CABLES1: variants seen among roughly 807,000 people sequenced by gnomAD.
CABLES1 encodes the protein CDK5 and ABL1 enzyme substrate 1.
CABLES1 carries 36 observed loss-of-function variants against 57.8 expected under a neutral mutation model. The ratio of observed to expected loss-of-function variants is 0.62; its 90% CI spans 0.48 to 0.82. The LOEUF (loss-of-function observed/expected upper bound fraction) is 0.82. CABLES1 is among the 40% of genes least tolerant of loss of function. CABLES1 has a pLI of 0.00. For synonymous variants in CABLES1, 374 were observed against 363.0 expected, an observed-to-expected ratio of 1.03 and a Z score of -0.35; for missense variants, 767 against 836.6, an observed-to-expected ratio of 0.92 and a Z score of 1.03.
intron 9 of CABLES1, among the ~76,000 whole-genome samples, chr18:23,254,819 G>A (rs1339456096): frequency 2.6e-5 from 4 of 152,084 alleles, no homozygotes; most frequent in Non-Finnish European, 5.9e-5. Flanking sequence ...ACTCCCAAAG[G>A]CCCCATCTCC....
At chr18:23,205,270 T>C (rs2047355218) in intron 3 of CABLES1, among the ~76,000 whole-genome samples, 2 of 141,794 alleles carry the variant, frequency 1.4e-5, no homozygotes, top group Admixed American at 1.5e-4. Flanking sequence ...TCACTGCAAC[T>C]GCAGCCTCCA....
chr18:23,248,125 C>T (rs754929798), intron 7 of CABLES1, among the ~76,000 whole-genome samples: 26 of 152,352 alleles, frequency 1.7e-4, no homozygotes, highest in Admixed American at 5.2e-4. Flanking sequence ...CCTCCAGAGC[C>T]GCAGGCTGAG....
intron 7 of CABLES1, among the ~76,000 whole-genome samples, chr18:23,249,397 A>G (rs2047982985): frequency 6.6e-6 from 1 of 152,166 alleles, no homozygotes; most frequent in Non-Finnish European, 1.5e-5. Flanking sequence ...TGGCCAAACC[A>G]GGAGTGGGCA....
chr18:23,209,827 G>A (rs1269161020), intron 3 of CABLES1, among the ~76,000 whole-genome samples: 1 of 111,722 alleles, frequency 9.0e-6, no homozygotes, highest in Non-Finnish European at 2.0e-5. Flanking sequence ...CTGGGCTGAG[G>A]GGGTAAAAAC....
At chr18:23,208,474 A>C (rs891827672) in intron 3 of CABLES1, among the ~76,000 whole-genome samples, 3 of 152,218 alleles carry the variant, frequency 2.0e-5, no homozygotes, top group African/African-American at 7.2e-5. Context: ...TTAATAAAGC[A>C]TTGTGAGAGG....
upstream of CABLES1, among the ~76,000 whole-genome samples, chr18:23,134,925 G>A (rs949904125): frequency 6.6e-6 from 1 of 152,158 alleles, no homozygotes; most frequent in Non-Finnish European, 1.5e-5. Flanking sequence ...ATGGTTGTTA[G>A]CGATAGCTTT....
Position 23,257,344 on chromosome 18 carries a change from A to G in CABLES1, c.1879A>G (p.Arg627Gly). 1.2e-6 allele frequency: 2 copies of G among 1,610,834 alleles called. No homozygotes were observed. The highest frequency in any genetic ancestry group is 1.7e-6 in the Non-Finnish European group (2 of 1,179,202). Reference sequence around the variant, plus strand: ...CGAGCACGAAGTCATGCCCCACTACAGACGGCTGGTCCAGAGTTCCTAGCA... The same window carrying G: ...CGAGCACGAAGTCATGCCCCACTACGGACGGCTGGTCCAGAGTTCCTAGCA... ...LPEHEVMPHY[R>G]RLVQSS The change falls in exon 10 of 10, where the codon AGA becomes GGA. Residue 627 changes from arginine (R) to glycine (G), a missense_variant. Transcript: ENST00000256925.
At chr18:23,256,641 C>T (rs2048174343) in intron 9 of CABLES1, among the ~76,000 whole-genome samples, 2 of 151,932 alleles carry the variant, frequency 1.3e-5, no homozygotes, top group Non-Finnish European at 2.9e-5. Flanking sequence ...CCGCCACGCC[C>T]GGCTCATTTT....
intron 4 of CABLES1, among the ~76,000 whole-genome samples, chr18:23,232,144 AC>A (rs1356112347): frequency 6.6e-6 from 1 of 152,166 alleles, no homozygotes; most frequent in East Asian, 1.9e-4. Flanking sequence ...CCATCTGAGA[AC>A]CCTCTCAGTA....
At chr18:23,196,275 G>A (rs1389943637) in intron 3 of CABLES1, among the ~76,000 whole-genome samples, 3 of 152,172 alleles carry the variant, frequency 2.0e-5, no homozygotes, top group Admixed American at 6.5e-5. Flanking sequence ...TTTAGGGCAG[G>A]AAAGAAAGCT....
At chr18:23,152,772 A>C (rs1008835336) in intron 1 of CABLES1, among the ~76,000 whole-genome samples, 2 of 151,840 alleles carry the variant, frequency 1.3e-5, no homozygotes, top group African/African-American at 4.8e-5. Flanking sequence ...GGCTCGAGCC[A>C]CCATGCCAGG....
At chr18:23,255,859 C>A (rs1212247195) in intron 9 of CABLES1, among the ~76,000 whole-genome samples, 1 of 152,040 alleles carries the variant, frequency 6.6e-6, no homozygotes, top group Non-Finnish European at 1.5e-5. Flanking sequence ...CCATACCCGG[C>A]CAAGAATTAA....
chr18:23,162,744 G>A (rs1303577377), intron 1 of CABLES1, among the ~76,000 whole-genome samples: 1 of 152,202 alleles, frequency 6.6e-6, no homozygotes, highest in Non-Finnish European at 1.5e-5. Flanking sequence ...GTAGGAAGGA[G>A]TTCCAGGTAG....
intron 4 of CABLES1, among the ~76,000 whole-genome samples, chr18:23,226,148 A>G (rs2145070612): frequency 6.6e-6 from 1 of 152,362 alleles, no homozygotes; most frequent in East Asian, 1.9e-4. Context: ...TCATGCCTGT[A>G]ATCCCAGTAC....
At chr18:23,184,352 T>G (rs1490786033) in intron 1 of CABLES1, among the ~76,000 whole-genome samples, 1 of 151,744 alleles carries the variant, frequency 6.6e-6, no homozygotes, top group Non-Finnish European at 1.5e-5. Flanking sequence ...TAGGTCCGTC[T>G]GAGTTCAGAC....
intron 7 of CABLES1, among the ~76,000 whole-genome samples, chr18:23,245,059 G>T (rs552604216): frequency 6.6e-6 from 1 of 152,312 alleles, no homozygotes; most frequent in Non-Finnish European, 1.5e-5. Context: ...TTTTTGAGGT[G>T]TGTGTACCTC....
At chr18:23,221,646 G>GC (rs1224048945) in intron 4 of CABLES1, among the ~76,000 whole-genome samples, 1 of 152,192 alleles carries the variant, frequency 6.6e-6, no homozygotes, top group Non-Finnish European at 1.5e-5. Context: ...GCCATCTGGG[G>GC]CCCCCACCTT....
intron 7 of CABLES1, among the ~76,000 whole-genome samples, chr18:23,240,176 G>T (rs758956433): frequency 6.6e-6 from 1 of 152,164 alleles, no homozygotes; most frequent in Non-Finnish European, 1.5e-5. Context: ...GTGGGCCCCA[G>T]GGGGTAGGCC....
intron 9 of CABLES1, among the ~76,000 whole-genome samples, chr18:23,255,494 C>G (rs2048140752): frequency 6.6e-6 from 1 of 151,854 alleles, no homozygotes; most frequent in South Asian, 2.1e-4. Flanking sequence ...CCAGAAGTGA[C>G]CATTGGACAC....
Sources: allele counts gnomAD v4.1 joint callset (sites outside exome capture counted in the v4.1 genomes callset), GRCh38; gene constraint gnomAD v4.1.1; transcripts MANE v1.5; gene names NCBI Gene and HGNC (gene_info 2026-07-23, HGNC 2026-07-21).